The following NFYC variants were observed in gnomAD, a reference collection of about 807,000 sequenced individuals.
The protein encoded by NFYC is nuclear transcription factor Y subunit gamma.
Under a neutral mutation model 53.1 loss-of-function variants are expected in NFYC, and 25 were observed. The observed-to-expected ratio is 0.47, with a 90% CI of 0.34 to 0.66. The LOEUF (loss-of-function observed/expected upper bound fraction) is 0.66. Ranked by LOEUF, NFYC falls within the 30% of genes least tolerant of loss-of-function variation. The pLI is 0.01. For missense variants in NFYC, 260 were observed against 422.7 expected, an observed-to-expected ratio of 0.62 and a Z score of 3.38; for synonymous variants, 145 against 152.6, an observed-to-expected ratio of 0.95 and a Z score of 0.37.
intron 1 of NFYC, among the ~76,000 whole-genome samples, chr1:40,700,695 G>A (rs1643391018): frequency 6.6e-6 from 1 of 152,230 alleles, no homozygotes; most frequent in South Asian, 2.1e-4. Context: ...TTCAAGGCTG[G>A]TCTTGAATTC....
chr1:40,700,675 C>T (rs1643389495), intron 1 of NFYC, among the ~76,000 whole-genome samples: 2 of 152,136 alleles, frequency 1.3e-5, no homozygotes, highest in Admixed American at 6.5e-5. Flanking sequence ...TGGAGTCTCA[C>T]TCTATGAGGT....
At chr1:40,693,135 G>C (rs1056099222) in intron 1 of NFYC, among the ~76,000 whole-genome samples, 5 of 152,118 alleles carry the variant, frequency 3.3e-5, no homozygotes, top group African/African-American at 1.2e-4. Context: ...TGTGTACTTT[G>C]AATTTTTTGT....
chr1:40,753,951 A>G (rs1646063455), intron 5 of NFYC, among the ~76,000 whole-genome samples: 1 of 151,980 alleles, frequency 6.6e-6, no homozygotes, highest in Non-Finnish European at 1.5e-5. Flanking sequence ...TTTTTTCAGC[A>G]CCTTGGGTGC....
chr1:40,741,965 A>C (rs749210753), intron 2 of NFYC, among the ~76,000 whole-genome samples: 5 of 152,032 alleles, frequency 3.3e-5, no homozygotes, highest in Non-Finnish European at 7.4e-5. Context: ...GTGCAGTGGC[A>C]GGATTATAGC....
intron 4 of NFYC, among the ~76,000 whole-genome samples, chr1:40,749,980 C>T (rs1157864603): frequency 5.9e-5 from 9 of 152,102 alleles, no homozygotes; most frequent in African/African-American, 2.2e-4. Context: ...CTTGGTGAGC[C>T]CTCACTATAA....
intron 4 of NFYC, among the ~76,000 whole-genome samples, chr1:40,751,461 A>C (rs1205740822): frequency 6.6e-6 from 1 of 152,140 alleles, no homozygotes; most frequent in East Asian, 1.9e-4. Flanking sequence ...GCTGGAGTGC[A>C]GTGGCGCAAT....
chr1:40,727,358 G>A (rs1644563743), intron 1 of NFYC, among the ~76,000 whole-genome samples: 1 of 145,846 alleles, frequency 6.9e-6, no homozygotes, highest in South Asian at 2.2e-4. Context: ...TAAGTAGTTG[G>A]GACAATAAGC....
chr1:40,748,310 T>G (rs530321459), intron 3 of NFYC, among the ~76,000 whole-genome samples: 15 of 152,132 alleles, frequency 9.9e-5, no homozygotes, highest in Admixed American at 9.2e-4. Context: ...TTTTTAATGT[T>G]TTTTTGGAGT....
intron 1 of NFYC, among the ~76,000 whole-genome samples, chr1:40,709,135 C>G (rs1197067103): frequency 6.6e-6 from 1 of 152,116 alleles, no homozygotes; most frequent in Non-Finnish European, 1.5e-5. Context: ...TTAGAGTTCC[C>G]CATAGTTTGA....
In NFYC at chr1:40,770,618, A is replaced by G. The variant is rs1647043764; in HGVS notation, c.889-91A>G. ...CCTTGCAGTGGGTGGTGGTTGAGGT[A>G]TCTGGGACCCCCAACCAGCTCGAGA... On this transcript the variant is annotated intron_variant, in intron 9 of 9. Coordinates refer to ENST00000447388, the MANE Select transcript of NFYC (RefSeq NM_014223.5). The surrounding 1 kb of genome is among the most constrained non-coding windows in gnomAD (Gnocchi z 5.3). 1 of 1,613,968 alleles carries G rather than the reference A, an allele frequency of 6.2e-7. No individual in the cohort carries two copies. The highest frequency in any genetic ancestry group is 1.3e-5 in the African/African-American group (1 of 74,986).
At chr1:40,724,703 C>G (rs1644448275) in intron 1 of NFYC, among the ~76,000 whole-genome samples, 1 of 152,088 alleles carries the variant, frequency 6.6e-6, no homozygotes, top group South Asian at 2.1e-4. Flanking sequence ...TTGTTTATAC[C>G]AGTTGCTGTG....
At chr1:40,747,426 C>G in intron 2 of NFYC, 108 bp from the exon 3 acceptor site, 1 of 701,672 alleles carries the variant, frequency 1.4e-6, no homozygotes, top group South Asian at 1.7e-5. Flanking sequence ...TCCCGACATA[C>G]GCTTCCTGAA....
intron 1 of NFYC, among the ~76,000 whole-genome samples, chr1:40,729,982 C>G (rs1366011015): frequency 6.6e-6 from 1 of 151,830 alleles, no homozygotes; most frequent in Non-Finnish European, 1.5e-5. Flanking sequence ...AGCCCCATAT[C>G]AGCTTTTGAT....
intron 7 of NFYC, among the ~76,000 whole-genome samples, chr1:40,765,716 G>A (rs1362556395): frequency 2.0e-5 from 3 of 152,158 alleles, no homozygotes; most frequent in African/African-American, 7.2e-5. Flanking sequence ...GTCCTCCTCT[G>A]CTGACCATCA....
chr1:40,747,598 A>T lies in NFYC; in HGVS notation c.170A>T (p.Asp57Val). The stretch of plus-strand genomic sequence containing the variant: ...AAGAAGATTATGAAACTGGATGAAG[A>T]TGTGAAGGTGAATTCACATTCATTT... ...RIKKIMKLDE[D>V]VKMISAEAPV... Residue 57 changes from aspartate (D) to valine (V), a missense_variant, in exon 3 of 10, where the codon GAT (aspartate) becomes GTT (valine). Coordinates refer to ENST00000447388, the MANE Select transcript of NFYC (RefSeq NM_014223.5). 6.2e-7 allele frequency: 1 copy of T among 1,608,264 alleles called. No homozygotes were observed. The highest frequency in any genetic ancestry group is 8.5e-7 in the Non-Finnish European group (1 of 1,174,928).
chr1:40,757,763 C>G (rs373265666), intron 5 of NFYC, among the ~76,000 whole-genome samples: 3 of 152,326 alleles, frequency 2.0e-5, no homozygotes, highest in South Asian at 2.1e-4. Context: ...CCAACACTTG[C>G]AATTAGCACT....
At chr1:40,726,107 T>TG (rs142805324) in intron 1 of NFYC, among the ~76,000 whole-genome samples, 3 of 101,882 alleles carry the variant, frequency 2.9e-5, no homozygotes, top group Non-Finnish European at 7.7e-5. Context: ...GTGTATGTGT[T>TG]TGTGTGTGTG....
At chr1:40,727,508 G>A (rs930417785) in intron 1 of NFYC, among the ~76,000 whole-genome samples, 1 of 149,054 alleles carries the variant, frequency 6.7e-6, no homozygotes, top group Non-Finnish European at 1.5e-5. Flanking sequence ...CAGGCCTGAG[G>A]CACTGTGCCT....
At chr1:40,713,157 C>T (rs1349154668) in intron 1 of NFYC, among the ~76,000 whole-genome samples, 1 of 152,200 alleles carries the variant, frequency 6.6e-6, no homozygotes, top group Non-Finnish European at 1.5e-5. Context: ...ATCTAGTCTG[C>T]ATGCCCAGTG....
Sources: allele counts gnomAD v4.1 joint callset (sites outside exome capture counted in the v4.1 genomes callset), GRCh38; gene constraint gnomAD v4.1.1; non-coding constraint Gnocchi (gnomAD v3.1); transcripts MANE v1.5; gene names NCBI Gene and HGNC (gene_info 2026-07-23, HGNC 2026-07-21).